Variants in EML6 observed in about 807,000 individuals in gnomAD.
EML6 encodes echinoderm microtubule-associated protein-like 6.
EML6 carries 154 observed loss-of-function variants against 240.1 expected under a neutral mutation model. The observed-to-expected ratio is 0.64, with a 90% confidence interval of 0.56 to 0.73. EML6 has a LOEUF of 0.73. EML6 is among the 30% of genes least tolerant of loss of function. The probability of loss-of-function intolerance (pLI) is 0.00; values close to 1 mark genes in which losing one functional copy is unlikely to be tolerated. For missense variants in EML6, 2,964 were observed against 2,474.6 expected, an observed-to-expected ratio of 1.20 and a Z score of -4.20; for synonymous variants, 1,148 against 899.0, an observed-to-expected ratio of 1.28 and a Z score of -4.95.
chr2:54,858,476 G>A (rs1212801665), intron 11 of EML6, among the ~76,000 whole-genome samples: 1 of 152,202 alleles, frequency 6.6e-6, no homozygotes, highest in African/African-American at 2.4e-5. Context: ...AGCATACCCT[G>A]CTCCCCAATT....
chr2:54,936,979 T>G lies in EML6; in HGVS notation c.4004+8228T>G, dbSNP rs886810192. The stretch of plus-strand genomic sequence containing the variant: ...ACGGTCATGTCTCTCTTTTTTTTTT[T>G]TTTTTTTTTTAAAGTCTGGGCCGGG... On this transcript the variant is annotated intron_variant, in intron 28 of 41. Coordinates refer to ENST00000356458, the MANE Select transcript of EML6 (RefSeq NM_001039753.4). Among the ~76,000 whole-genome samples, 9 of 151,758 alleles carry G rather than the reference T, an allele frequency of 5.9e-5. No individual in the cohort carries two copies. The East Asian group carries it at 1.2e-3, about 20-fold the overall frequency.
intron 12 of EML6, among the ~76,000 whole-genome samples, chr2:54,862,450 A>G (rs1276217843): frequency 6.6e-6 from 1 of 151,896 alleles, no homozygotes; most frequent in African/African-American, 2.4e-5. Flanking sequence ...AGAAAGGAAC[A>G]GTGAACTTGG....
chr2:54,758,998 C>T (rs1447333256), intron 2 of EML6, among the ~76,000 whole-genome samples: 1 of 151,872 alleles, frequency 6.6e-6, no homozygotes, highest in African/African-American at 2.4e-5. Flanking sequence ...GGATCACACA[C>T]TTGAAAACAA....
At chr2:54,761,595 T>C (rs1473970209) in intron 2 of EML6, among the ~76,000 whole-genome samples, 4 of 152,202 alleles carry the variant, frequency 2.6e-5, no homozygotes, top group Admixed American at 2.6e-4. Context: ...AGTGATTCTT[T>C]CACTAACATA....
intron 26 of EML6, among the ~76,000 whole-genome samples, chr2:54,919,251 C>T (rs556793332): frequency 1.4e-5 from 2 of 146,634 alleles, no homozygotes; most frequent in Admixed American, 6.8e-5. Context: ...TTCCCCCCCC[C>T]CCCAATCCTT....
chr2:54,751,581 C>T (rs989663108), intron 2 of EML6, among the ~76,000 whole-genome samples: 2 of 152,132 alleles, frequency 1.3e-5, no homozygotes, highest in Non-Finnish European at 1.5e-5. Context: ...AGTAATACCC[C>T]GTCCCCTCAA....
chr2:54,785,422 A>T (rs1669038124), intron 2 of EML6, among the ~76,000 whole-genome samples: 1 of 151,778 alleles, frequency 6.6e-6, no homozygotes, highest in Non-Finnish European at 1.5e-5. Context: ...TGATCCTCCC[A>T]CCTCGGCCTC....
chr2:54,841,987 A>G (rs941065275), intron 7 of EML6, among the ~76,000 whole-genome samples: 2 of 152,004 alleles, frequency 1.3e-5, no homozygotes, highest in South Asian at 2.1e-4. Flanking sequence ...CTTCCCACCC[A>G]CAACACACAT....
chr2:54,810,591 T>C (rs1667785308), intron 2 of EML6, among the ~76,000 whole-genome samples: 1 of 152,234 alleles, frequency 6.6e-6, no homozygotes, highest in African/African-American at 2.4e-5. Flanking sequence ...CTCTTGAAAG[T>C]GTTTCTGGCC....
chr2:54,867,904 G>A (rs1671053849), intron 14 of EML6: 1 of 151,960 alleles, frequency 6.6e-6, no homozygotes, highest in African/African-American at 2.4e-5. Flanking sequence ...TTGTCACCAT[G>A]TCATACCCTC....
rs1676038135 is a variant in EML6, at chr2:54,952,583, C to G, written c.4214-11C>G. The G allele has an allele frequency of 1.3e-6, 2 of 1,541,768 alleles. No homozygotes were observed. The highest frequency in any genetic ancestry group is 1.8e-6 in the Non-Finnish European group (2 of 1,138,648). The stretch of plus-strand genomic sequence containing the variant: ...TCCACTGTTCACCCTCCCATGATCT[C>G]TCTCCCCCAGGGAGCCAGAGCTTCT... On this transcript the variant is annotated splice_polypyrimidine_tract_variant and intron_variant, in intron 30 of 41. Coordinates refer to ENST00000356458, the MANE Select transcript of EML6 (RefSeq NM_001039753.4).
At chr2:54,933,715 G>C (rs1288932189) in intron 28 of EML6, among the ~76,000 whole-genome samples, 4 of 152,104 alleles carry the variant, frequency 2.6e-5, no homozygotes, top group Admixed American at 1.3e-4. Context: ...CTGGGTGACA[G>C]AGTGAGACTC....
intron 7 of EML6, among the ~76,000 whole-genome samples, chr2:54,841,218 C>G (rs1359425249): frequency 6.6e-6 from 1 of 152,234 alleles, no homozygotes; most frequent in Non-Finnish European, 1.5e-5. Context: ...TCTGTCCTTC[C>G]CATCCTTGAA....
chr2:54,866,704 T>G, intron 13 of EML6, 62 bp from the exon 14 acceptor site: 1 of 841,088 alleles, frequency 1.2e-6, no homozygotes, highest in South Asian at 1.8e-5. Flanking sequence ...AATGTCAAGA[T>G]GCTGATATTT....
At chr2:54,791,833 C>G (rs1185307837) in intron 2 of EML6, among the ~76,000 whole-genome samples, 1 of 152,230 alleles carries the variant, frequency 6.6e-6, no homozygotes, top group Non-Finnish European at 1.5e-5. Context: ...CAAGTCATTT[C>G]TCCTCTCTGG....
At chr2:54,908,093 G>GT (rs1428766561) in intron 24 of EML6, among the ~76,000 whole-genome samples, 1 of 151,898 alleles carries the variant, frequency 6.6e-6, no homozygotes, top group African/African-American at 2.4e-5. Context: ...GAAAATTTTG[G>GT]TTTTAAAAAA....
At chr2:54,849,855 G>A in intron 9 of EML6, 107 bp from the exon 10 acceptor site, 1 of 843,454 alleles carries the variant, frequency 1.2e-6, no homozygotes, top group Non-Finnish European at 1.8e-6. Context: ...AATTCCTGCA[G>A]GTTTGGTTCT....
At chr2:54,829,319 G>T (rs1265919044) in intron 6 of EML6, 23 bp from the exon 7 acceptor site, 1 of 1,550,178 alleles carries the variant, frequency 6.5e-7, no homozygotes, top group South Asian at 1.2e-5. Context: ...GCACCATTGA[G>T]TATTACCTGT....
At chr2:54,956,316 G>C (rs1169918378) in intron 32 of EML6, among the ~76,000 whole-genome samples, 1 of 49,332 alleles carries the variant, frequency 2.0e-5, no homozygotes, top group East Asian at 6.2e-4. Context: ...TGGTGAGCTG[G>C]AATCTCTTTC....
Sources: allele counts gnomAD v4.1 joint callset (sites outside exome capture counted in the v4.1 genomes callset), GRCh38; gene constraint gnomAD v4.1.1; transcripts MANE v1.5; gene names NCBI Gene and HGNC (gene_info 2026-07-23, HGNC 2026-07-21).